The following MUC5B variants were observed in gnomAD, a reference collection of about 807,000 sequenced individuals.
The protein encoded by MUC5B is mucin-5B.
In MUC5B, 116 loss-of-function variants were observed where a neutral mutation model predicts 376.9. The ratio of observed to expected loss-of-function variants is 0.31; its 90% confidence interval spans 0.26 to 0.36. The LOEUF is 0.36. Among genes scored for constraint, MUC5B ranks in the 10% least tolerant of loss-of-function variants. The pLI is 1.00. For synonymous variants in MUC5B, 3,517 were observed against 3,390.9 expected (o/e 1.04, Z -1.29); for missense variants, 7,165 against 7,769.9 (o/e 0.92, Z 2.93).
rs55684014 is a variant in MUC5B, at chr11:1,229,353, C to T, written c.1102+58C>T. On this transcript the variant is annotated intron_variant, in intron 9 of 48. Transcript: ENST00000529681. ...GCTTTCAGGTCCCTGCTCCCAACCC[C>T]GCCCCCAGCCTCATCAGGCGTGGAA... The T allele has an allele frequency of 0.056, 81,529 of 1,465,928 alleles. 2,588 individuals are homozygous for T. Among genetic ancestry groups the T allele is most frequent in the Admixed American group, 0.12 (5,464 of 44,748 alleles). 90.8% of individuals were successfully genotyped at this position (1,465,928 alleles called of 1,614,324 possible).
chr11:1,229,326 G>A (rs1253400094), intron 9 of MUC5B, 31 bp downstream of exon 9: 1 of 1,514,644 alleles, frequency 6.6e-7, no homozygotes, highest in Non-Finnish European at 8.8e-7. Flanking sequence ...ACCCCTCAGG[G>A]GGCTTTCAGG....
At chr11:1,229,369 A>G in intron 9 of MUC5B, 74 bp downstream of exon 9, 1 of 1,438,902 alleles carries the variant, frequency 6.9e-7, no homozygotes, top group Non-Finnish European at 9.2e-7. Context: ...CAGCCTCATC[A>G]GGCGTGGAAG....
At position 1,248,410 on chromosome 11, in the gene MUC5B, A is replaced by G; in HGVS notation, c.11530A>G (p.Thr3844Ala). 6.2e-7 allele frequency: 1 copy of G among 1,610,968 alleles called. No individual in the cohort carries two copies. The highest frequency in any genetic ancestry group is 8.5e-7 in the Non-Finnish European group (1 of 1,178,792). The change falls in exon 31 of 49, where the codon ACC (threonine) becomes GCC (alanine). Residue 3844 changes from threonine (T) to alanine (A), a missense_variant. Transcript: ENST00000529681. The part of the protein sequence containing the change: ...STVLTTTATT[T>A]RATGSVATPS... ...AGTGCTTACCACCACGGCCACCACA[A>G]CCAGGGCCACCGGCTCTGTGGCCAC...
chr11:1,261,704 C>T lies in MUC5B; in HGVS notation c.*96C>T, dbSNP rs144868362. Reference sequence around the variant, plus strand: ...CTTGGGCCTCCTCTGCGGAGCCCCCCGGCCTGTGTGTGGCACCCCGCGCTC... The same window carrying T: ...CTTGGGCCTCCTCTGCGGAGCCCCCTGGCCTGTGTGTGGCACCCCGCGCTC... On this transcript the variant is annotated 3_prime_UTR_variant, in exon 49 of 49. Transcript: ENST00000529681. 123 of 1,265,666 alleles carry T rather than the reference C, an allele frequency of 9.7e-5. 1 individual carries two copies. Among genetic ancestry groups the T allele is most frequent in the African/African-American group, 2.8e-4 (19 of 67,834 alleles). The allele number at this position is 1,265,666 out of a possible 1,614,324, so 78.4% of individuals were successfully genotyped here.
rs771679510 is a variant in MUC5B, at chr11:1,258,291, CCCA to C, written c.16556-34_16556-32del. ...GGTGGGGGCGCTGGAGCACATGCTC[CCCA>C]CCACTTGTCGAGGGCTTAGCTCCCT... On this transcript the variant is annotated intron_variant, in intron 42 of 48. Transcript: ENST00000529681. This position sits in a 1 kb window ranked among gnomAD's most constrained non-coding sequence, Gnocchi z 5.5. 1 of 1,608,744 alleles carries C rather than the reference CCCA, an allele frequency of 6.2e-7. No homozygotes were observed. Among genetic ancestry groups the C allele is most frequent in the Non-Finnish European group, 8.5e-7 (1 of 1,178,220 alleles).
At chr11:1,224,666 G>A (rs1861841935) in intron 1 of MUC5B, among the ~76,000 whole-genome samples, 1 of 152,100 alleles carries the variant, frequency 6.6e-6, no homozygotes, top group African/African-American at 2.4e-5. Flanking sequence ...GCAGGGCTGT[G>A]AGCTGTGGGT....
In MUC5B at chr11:1,257,768, C is replaced by T. The variant is rs961017392; in HGVS notation, c.16450+58C>T. 1.3e-5 allele frequency: 19 copies of T among 1,491,478 alleles called. No homozygotes were observed. Among genetic ancestry groups the T allele is most frequent in the Non-Finnish European group, 1.6e-5 (18 of 1,119,662 alleles). 92.4% of individuals were successfully genotyped at this position (1,491,478 alleles called of 1,614,324 possible). A position where few individuals can be genotyped will look rare whatever the true frequency, so the allele number is the denominator to read the frequency against. The stretch of plus-strand genomic sequence containing the variant: ...AGGGTGAGGGGGGACAGAGCCGGTG[C>T]CCACCAGGGGCCTGTGGGTTGGGCA... On this transcript the variant is annotated intron_variant, in intron 41 of 48. Coordinates refer to ENST00000529681, the MANE Select transcript of MUC5B (RefSeq NM_002458.3). The surrounding 1 kb of genome is among the most constrained non-coding windows in gnomAD (Gnocchi z 8.9).
At position 1,237,028 on chromosome 11, in the gene MUC5B, G is replaced by A; in HGVS notation, c.3161G>A (p.Ser1054Asn). 1.3e-6 allele frequency: 2 copies of A among 1,579,162 alleles called. No individual in the cohort carries two copies. Among genetic ancestry groups the A allele is most frequent in the Non-Finnish European group, 8.6e-7 (1 of 1,162,552 alleles). ...GGGGACGCACTGGAGTTTGGGAACA[G>A]CTGGAAGCTCTCCCCCTCCTGCCCG... Reference protein sequence around the residue: ...VVGDALEFGNSWKLSPSCPDA... With the variant: ...VVGDALEFGNNWKLSPSCPDA... The change falls in exon 25 of 49, where the codon AGC (serine) becomes AAC (asparagine). Residue 1054 changes from serine (S) to asparagine (N), a missense_variant. By Grantham distance (46) the Ser-to-Asn change is conservative. Around this residue, in one of 31 missense-constraint regions of MUC5B, gnomAD observed 143 missense variants for 193.2 expected, o/e 0.74. Transcript: ENST00000529681.
Position 1,253,037 on chromosome 11 carries a change from G to C in MUC5B, c.15217+57G>C. ...GGGGGCAGGTGGAGCAGAGTGCACC[G>C]TCGGCTAGGCTGGCAGAATGGGGCA... On this transcript the variant is annotated intron_variant, in intron 33 of 48. Coordinates refer to ENST00000529681, the MANE Select transcript of MUC5B (RefSeq NM_002458.3). The surrounding 1 kb of genome is among the most constrained non-coding windows in gnomAD (Gnocchi z 4.3). The C allele has an allele frequency of 6.3e-7, 1 of 1,598,076 alleles. No homozygotes were observed. Among genetic ancestry groups the C allele is most frequent in the Admixed American group, 1.7e-5 (1 of 59,456 alleles).
chr11:1,231,924 G>C, intron 14 of MUC5B, 72 bp from the exon 15 acceptor site: 1 of 1,593,696 alleles, frequency 6.3e-7, no homozygotes, highest in Admixed American at 1.7e-5. Flanking sequence ...GTGGTGCCTG[G>C]AGGGATGGCA....
chr11:1,251,819 C>T, intron 31 of MUC5B, 76 bp downstream of exon 31: 1 of 1,077,452 alleles, frequency 9.3e-7, no homozygotes, highest in Non-Finnish European at 1.3e-6. Context: ...GTCCTGGGAG[C>T]CAGTGGCTTT....
chr11:1,230,721 C>A (rs1347791372), intron 12 of MUC5B, 121 bp downstream of exon 12: 2 of 884,554 alleles, frequency 2.3e-6, no homozygotes, highest in African/African-American at 1.7e-5. Flanking sequence ...AGCCCCCAGG[C>A]CAGGTCCCCC....
At chr11:1,226,409 T>A in intron 3 of MUC5B, 133 bp downstream of exon 3, 1 of 1,323,908 alleles carries the variant, frequency 7.6e-7, no homozygotes. Context: ...GTGTGGGCGG[T>A]CTCCTGGTCA....
In MUC5B at chr11:1,247,209, C is replaced by G; in HGVS notation, c.10329C>G (p.His3443Gln). ...CCTCCTCTGCCCTAGGGACCACCCA[C>G]ACACCCCCAGTGCCGAACACCACGG... The part of the protein sequence containing the change: ...VTPSSALGTT[H>Q]TPPVPNTTAT... Residue 3443 changes from histidine (H) to glutamine (Q), a missense_variant, in exon 31 of 49, where the codon CAC (histidine) becomes CAG (glutamine). His to Gln is a conservative substitution (Grantham distance 24, BLOSUM62 0). Coordinates refer to ENST00000529681, the MANE Select transcript of MUC5B (RefSeq NM_002458.3). 2 of 1,570,524 alleles carry G rather than the reference C, an allele frequency of 1.3e-6. No homozygotes were observed. The highest frequency in any genetic ancestry group is 1.7e-6 in the Non-Finnish European group (2 of 1,143,792).
chr11:1,233,878 T>TGCCCCGCCCC (rs748724481), intron 19 of MUC5B, 30 bp downstream of exon 19: 3 of 907,352 alleles, frequency 3.3e-6, no homozygotes, highest in South Asian at 3.3e-5. Context: ...TGCCCTGCCC[T>TGCCCCGCCCC]GCCCCGCCCC....
chr11:1,256,629 C>T (rs373054265), intron 38 of MUC5B, 42 bp from the exon 39 acceptor site: 6 of 1,502,632 alleles, frequency 4.0e-6, no homozygotes, highest in South Asian at 1.2e-5. Flanking sequence ...GTGGAGGCCT[C>T]CTGGATCTCT....
At position 1,255,547 on chromosome 11, in the gene MUC5B, G is replaced by A; in HGVS notation, c.16055G>A (p.Gly5352Asp). The change falls in exon 37 of 49, where the codon GGT (glycine) becomes GAT (aspartate). Residue 5352 changes from glycine (G) to aspartate (D), a missense_variant. Around this residue, in one of 31 missense-constraint regions of MUC5B, gnomAD observed 842 missense variants for 1,016.9 expected, o/e 0.83. Coordinates refer to ENST00000529681, the MANE Select transcript of MUC5B (RefSeq NM_002458.3). Reference sequence around the variant, plus strand: ...TGCAGTGACTGGCGAGGTGCAACCGGTGGCCTGTGCGGTGAGTGGGGGCGG... The same window carrying A: ...TGCAGTGACTGGCGAGGTGCAACCGATGGCCTGTGCGGTGAGTGGGGGCGG... The part of the protein sequence containing the change: ...GVCSDWRGAT[G>D]GLCDLTCPPT... 1 of 1,534,758 alleles carries A rather than the reference G, an allele frequency of 6.5e-7. No homozygotes were observed. Among genetic ancestry groups the A allele is most frequent in the Non-Finnish European group, 8.8e-7 (1 of 1,136,622 alleles).
Position 1,248,681 on chromosome 11 carries a change from C to T in MUC5B, c.11801C>T (p.Pro3934Leu), listed in dbSNP as rs1350446109. 2 of 1,589,536 alleles carry T rather than the reference C, an allele frequency of 1.3e-6. No individual in the cohort carries two copies. Among genetic ancestry groups the T allele is most frequent in the African/African-American group, 2.7e-5 (2 of 73,854 alleles). ...TTVATGSMATPSSSTQTSGTP... is the reference protein window; with the variant it reads ...TTVATGSMATLSSSTQTSGTP... ...GTGGCCACTGGTTCTATGGCAACACCCTCCTCTAGCACACAGACCAGTGGT... is the reference window on the plus strand; with the variant it reads ...GTGGCCACTGGTTCTATGGCAACACTCTCCTCTAGCACACAGACCAGTGGT... Residue 3934 changes from proline to leucine, a missense_variant, in exon 31 of 49, where the codon CCC (proline) becomes CTC (leucine). Pro to Leu is a moderately conservative substitution (Grantham distance 98). Coordinates refer to ENST00000529681, the MANE Select transcript of MUC5B (RefSeq NM_002458.3).
chr11:1,244,266 C>T lies in MUC5B; in HGVS notation c.7386C>T (p.Thr2462=). 1 of 1,609,102 alleles carries T rather than the reference C, an allele frequency of 6.2e-7. No homozygotes were observed. Among genetic ancestry groups the T allele is most frequent in the South Asian group, 1.1e-5 (1 of 90,788 alleles). The change falls in exon 31 of 49, where the codon ACC becomes ACT. Residue 2462 remains threonine (T), a synonymous_variant. Transcript: ENST00000529681. ...CCCCGTCCTCCACCCCAGGGACCACCTGGATCCTCACAGAGCCGAGCACTA... is the reference window on the plus strand; with the variant it reads ...CCCCGTCCTCCACCCCAGGGACCACTTGGATCCTCACAGAGCCGAGCACTA... The part of the protein sequence containing the change: ...TATPSSTPGT[T]WILTEPSTTA...
Sources: gnomAD v4.1 joint callset for allele counts (sites outside exome capture counted in the v4.1 genomes callset) on GRCh38, gnomAD v4.1.1 for gene constraint, gnomAD v4.1.1 regional missense constraint, Gnocchi (gnomAD v3.1) non-coding constraint, MANE v1.5 for transcripts, NCBI Gene and HGNC (gene_info 2026-07-23, HGNC 2026-07-21) for gene names.